SMOC2: variants seen among roughly 807,000 people sequenced by gnomAD.
The protein encoded by SMOC2 is SPARC related modular calcium binding 2, also known as SPARC-related modular calcium-binding protein 2.
A neutral mutation model predicts 61.4 loss-of-function variants in SMOC2; 39 were observed. That is an observed-to-expected ratio of 0.64 (90% CI 0.49 to 0.83). The LOEUF is 0.83. Among genes scored for constraint, SMOC2 ranks in the 40% least tolerant of loss-of-function variants. SMOC2 has a pLI of 0.00. For missense variants in SMOC2, 556 were observed against 592.9 expected (o/e 0.94, Z 0.65); for synonymous variants, 247 against 239.9 (o/e 1.03, Z -0.27).
chr6:168,556,411 C>T (rs572379329), intron 7 of SMOC2, among the ~76,000 whole-genome samples: 1 of 152,154 alleles, frequency 6.6e-6, no homozygotes, highest in Non-Finnish European at 1.5e-5. Flanking sequence ...CTGCGGCCCC[C>T]GCACCTCCCC....
At position 168,524,080 on chromosome 6, in the gene SMOC2, G is replaced by A. The variant is rs545505474; in HGVS notation, c.257-2266G>A. Among the ~76,000 whole-genome samples the A allele has an allele frequency of 2.6e-5, 4 of 152,222 alleles. No homozygotes were observed. The South Asian group carries it at 8.3e-4, about 32-fold the overall frequency. On this transcript the variant is annotated intron_variant, in intron 2 of 12. Transcript: ENST00000356284. ...ATATAATGGCTTAGAGTGATATTGA[G>A]AACACACGGGGGCCATGACTGTTTC...
chr6:168,516,022 A>G (rs1321168298), intron 2 of SMOC2, among the ~76,000 whole-genome samples: 2 of 152,194 alleles, frequency 1.3e-5, no homozygotes, highest in Non-Finnish European at 2.9e-5. Context: ...GCCTCGGCAC[A>G]TATGAGGCTG....
intron 7 of SMOC2, among the ~76,000 whole-genome samples, chr6:168,571,852 C>G (rs1174280300): frequency 2.2e-5 from 3 of 138,880 alleles, no homozygotes; most frequent in Non-Finnish European, 3.2e-5. Context: ...TCCCTGAACG[C>G]GATGTTCATT....
chr6:168,620,417 T>C (rs1432260851), intron 9 of SMOC2, among the ~76,000 whole-genome samples: 1 of 152,118 alleles, frequency 6.6e-6, no homozygotes, highest in Non-Finnish European at 1.5e-5. Context: ...GCTCCCGTAC[T>C]CTGGAGCTGA....
At chr6:168,635,091 C>G (rs567464137) in intron 9 of SMOC2, among the ~76,000 whole-genome samples, 1 of 152,172 alleles carries the variant, frequency 6.6e-6, no homozygotes, top group Admixed American at 6.5e-5. Context: ...CCAGGAAGAG[C>G]CTTCTCACGC....
intron 9 of SMOC2, among the ~76,000 whole-genome samples, chr6:168,617,708 C>A (rs796851734): frequency 2.6e-5 from 4 of 152,320 alleles, no homozygotes; most frequent in African/African-American, 9.6e-5. Flanking sequence ...TGTCTGGAAA[C>A]CCCAGATCTG....
At chr6:168,462,978 A>G (rs1204603646) in intron 1 of SMOC2, among the ~76,000 whole-genome samples, 1 of 152,182 alleles carries the variant, frequency 6.6e-6, no homozygotes, top group African/African-American at 2.4e-5. Context: ...ATTAATAATA[A>G]CACACTAAAA....
At chr6:168,654,162 G>A (rs372428621) in intron 11 of SMOC2, among the ~76,000 whole-genome samples, 157 of 45,960 alleles carry the variant, frequency 3.4e-3, no homozygotes, top group East Asian at 8.2e-3. Flanking sequence ...GCTCCAACCA[G>A]ATGTTAGGAA....
At chr6:168,536,732 G>C (rs1783741656) in intron 4 of SMOC2, among the ~76,000 whole-genome samples, 1 of 152,108 alleles carries the variant, frequency 6.6e-6, no homozygotes, top group Non-Finnish European at 1.5e-5. Context: ...CACCCCCTGG[G>C]GGTACTGTGG....
intron 7 of SMOC2, among the ~76,000 whole-genome samples, chr6:168,555,126 G>T (rs976874421): frequency 6.6e-6 from 1 of 152,210 alleles, no homozygotes; most frequent in Admixed American, 6.5e-5. Context: ...GCCAGCTCCC[G>T]GCTCCTCTCG....
Position 168,509,685 on chromosome 6 carries a change from C to T in SMOC2, c.85-230C>T, listed in dbSNP as rs143942430. ...GATTCACATGTTGTTCTGTGTCAGACGGCCGATATTGATGTAGAGAACTTC... is the reference window on the plus strand; with the variant it reads ...GATTCACATGTTGTTCTGTGTCAGATGGCCGATATTGATGTAGAGAACTTC... On this transcript the variant is annotated intron_variant, in intron 1 of 12. Transcript: ENST00000356284. Among the ~76,000 whole-genome samples the T allele has an allele frequency of 1.9e-3, 291 of 152,334 alleles. 1 individual carries two copies. Among genetic ancestry groups the T allele is most frequent in the Admixed American group, 6.9e-3 (106 of 15,304 alleles).
chr6:168,645,066 A>T (rs188014084), intron 9 of SMOC2, among the ~76,000 whole-genome samples: 36 of 152,248 alleles, frequency 2.4e-4, no homozygotes, highest in African/African-American at 7.2e-4. Flanking sequence ...GGTTCCTAAC[A>T]TTCATCATAG....
At chr6:168,637,176 T>C (rs1315934092) in intron 9 of SMOC2, among the ~76,000 whole-genome samples, 1 of 152,010 alleles carries the variant, frequency 6.6e-6, no homozygotes, top group African/African-American at 2.4e-5. Context: ...ATGTTGGGAA[T>C]AAAAACAATA....
intron 9 of SMOC2, among the ~76,000 whole-genome samples, chr6:168,631,977 C>A (rs1380171138): frequency 6.6e-6 from 1 of 152,186 alleles, no homozygotes. Flanking sequence ...TCCGAGCAGA[C>A]CCTGCATTCC....
intron 1 of SMOC2, among the ~76,000 whole-genome samples, chr6:168,498,323 C>T (rs1019753224): frequency 1.3e-5 from 2 of 152,164 alleles, no homozygotes; most frequent in East Asian, 3.8e-4. Flanking sequence ...TGAGCAAGAG[C>T]CTCAGAAAAG....
chr6:168,552,862 A>G (rs1784160140), intron 7 of SMOC2, among the ~76,000 whole-genome samples: 1 of 86,268 alleles, frequency 1.2e-5, no homozygotes, highest in Non-Finnish European at 2.2e-5. Flanking sequence ...TCCAGGCCCC[A>G]GCAGAGAGCC....
At chr6:168,495,973 G>A (rs1272104577) in intron 1 of SMOC2, among the ~76,000 whole-genome samples, 1 of 152,164 alleles carries the variant, frequency 6.6e-6, no homozygotes, top group Non-Finnish European at 1.5e-5. Flanking sequence ...ATTTCCTCTC[G>A]CCTCCTCGCT....
At chr6:168,639,863 C>T (rs1004917528) in intron 9 of SMOC2, among the ~76,000 whole-genome samples, 1 of 152,202 alleles carries the variant, frequency 6.6e-6, no homozygotes, top group Non-Finnish European at 1.5e-5. Context: ...CTGTTTGAAT[C>T]CCTGGTGTGA....
intron 1 of SMOC2, among the ~76,000 whole-genome samples, chr6:168,489,451 AT>A (rs1782418644): frequency 6.6e-6 from 1 of 151,098 alleles, no homozygotes; most frequent in Non-Finnish European, 1.5e-5. Context: ...AGTGAAATAT[AT>A]TGAATCGTCT....
Sources: allele counts gnomAD v4.1 joint callset (sites outside exome capture counted in the v4.1 genomes callset), GRCh38; gene constraint gnomAD v4.1.1; transcripts MANE v1.5; gene names NCBI Gene and HGNC (gene_info 2026-07-23, HGNC 2026-07-21).